Variants in GPATCH2 observed in about 807,000 individuals in gnomAD.
GPATCH2 encodes G patch domain-containing protein 2.
In GPATCH2, 51 loss-of-function variants were observed where a neutral mutation model predicts 58.0. The observed-to-expected ratio is 0.88, with a 90% CI of 0.70 to 1.11. GPATCH2 has a LOEUF of 1.11. GPATCH2 is among the 50% of genes most tolerant of loss of function. GPATCH2 has a pLI of 0.00. For synonymous variants in GPATCH2, 222 were observed against 218.5 expected, an observed-to-expected ratio of 1.02 and a Z score of -0.14; for missense variants, 625 against 652.2, an observed-to-expected ratio of 0.96 and a Z score of 0.45.
chr1:217,560,057 C>G (rs1438042139), intron 5 of GPATCH2, among the ~76,000 whole-genome samples: 1 of 152,150 alleles, frequency 6.6e-6, no homozygotes, highest in Non-Finnish European at 1.5e-5. Flanking sequence ...CCATGTTGGC[C>G]AGGATGGTCT....
intron 5 of GPATCH2, among the ~76,000 whole-genome samples, chr1:217,523,273 A>C (rs1010777984): frequency 6.6e-6 from 1 of 151,564 alleles, no homozygotes; most frequent in Non-Finnish European, 1.5e-5. Flanking sequence ...TCAGCAGATA[A>C]ACAAGTGAAC....
At chr1:217,485,223 C>T (rs991284266) in intron 8 of GPATCH2, among the ~76,000 whole-genome samples, 6 of 152,142 alleles carry the variant, frequency 3.9e-5, no homozygotes, top group Non-Finnish European at 7.4e-5. Context: ...ATAAATTTGC[C>T]ATTCCTCTGC....
At chr1:217,477,401 G>C (rs1051778617) in intron 8 of GPATCH2, among the ~76,000 whole-genome samples, 4 of 152,062 alleles carry the variant, frequency 2.6e-5, no homozygotes, top group Admixed American at 2.6e-4. Flanking sequence ...ACAGGGGCAC[G>C]GAGCACCAAG....
At chr1:217,529,287 T>C (rs1326183138) in intron 5 of GPATCH2, among the ~76,000 whole-genome samples, 2 of 152,170 alleles carry the variant, frequency 1.3e-5, no homozygotes, top group East Asian at 1.9e-4. Context: ...CCAAAACTTA[T>C]GTTGAAATTT....
intron 5 of GPATCH2, among the ~76,000 whole-genome samples, chr1:217,540,559 C>A (rs1378494462): frequency 6.6e-6 from 1 of 152,138 alleles, no homozygotes; most frequent in Non-Finnish European, 1.5e-5. Context: ...CCTTTCGAAA[C>A]AATAAAACCA....
Position 217,438,533 on chromosome 1 carries a change from G to A in GPATCH2, c.1367-7168C>T, listed in dbSNP as rs185274498. ...TAGAGAAGAACATAAATAACCTGATGAAACTGAAAAACACAGCATGAGAAC... is the reference window on the plus strand; with the variant it reads ...TAGAGAAGAACATAAATAACCTGATAAAACTGAAAAACACAGCATGAGAAC... On this transcript the variant is annotated intron_variant, in intron 9 of 9. Coordinates refer to ENST00000366935, the MANE Select transcript of GPATCH2 (RefSeq NM_018040.5). Among the ~76,000 whole-genome samples the A allele has an allele frequency of 3.6e-3, 550 of 152,212 alleles. 3 individuals carry two copies. The highest frequency in any genetic ancestry group is 6.8e-3 in the Middle Eastern group (2 of 292).
intron 8 of GPATCH2, among the ~76,000 whole-genome samples, chr1:217,456,127 C>A (rs1386282938): frequency 6.6e-6 from 1 of 152,224 alleles, no homozygotes; most frequent in Middle Eastern, 3.4e-3. Context: ...TTCCTGGGTG[C>A]TGGACAAGGA....
intron 7 of GPATCH2, among the ~76,000 whole-genome samples, chr1:217,493,430 T>C (rs948073210): frequency 6.6e-6 from 1 of 152,132 alleles, no homozygotes; most frequent in Non-Finnish European, 1.5e-5. Context: ...TGCTCATCTC[T>C]GGCCCTTTGC....
chr1:217,595,602 A>C (rs199503561), intron 5 of GPATCH2, among the ~76,000 whole-genome samples: 23 of 151,840 alleles, frequency 1.5e-4, no homozygotes, highest in African/African-American at 4.8e-4. Context: ...TGGGTTCAAG[A>C]AATTCTCCTG....
chr1:217,448,241 A>G (rs1296019562), intron 9 of GPATCH2, among the ~76,000 whole-genome samples: 3 of 152,098 alleles, frequency 2.0e-5, no homozygotes, highest in Non-Finnish European at 4.4e-5. Flanking sequence ...TGTTGATAGG[A>G]ATCTTATTTT....
chr1:217,596,104 TAGAA>T (rs1176312726), intron 5 of GPATCH2, among the ~76,000 whole-genome samples: 2 of 152,080 alleles, frequency 1.3e-5, no homozygotes, highest in African/African-American at 2.4e-5. Context: ...AAAGAATTGA[TAGAA>T]GGAAGGATGA....
intron 5 of GPATCH2, among the ~76,000 whole-genome samples, chr1:217,540,924 T>G (rs528908853): frequency 1.3e-5 from 2 of 152,266 alleles, no homozygotes; most frequent in Admixed American, 6.5e-5. Flanking sequence ...TGTGCACAAA[T>G]TTATTGTAAT....
intron 5 of GPATCH2, among the ~76,000 whole-genome samples, chr1:217,554,664 G>A (rs529511410): frequency 1.3e-5 from 2 of 152,260 alleles, no homozygotes; most frequent in East Asian, 3.9e-4. Context: ...TAGTCTAACT[G>A]TAAATCTGTT....
intron 8 of GPATCH2, among the ~76,000 whole-genome samples, chr1:217,468,515 CCACA>C (rs10524566): frequency 0.12 from 17,168 of 142,316 alleles, 1,123 homozygotes; most frequent in African/African-American, 0.17. Context: ...GCACACACAA[CCACA>C]CACACACACA....
chr1:217,568,381 A>C (rs781227537), intron 5 of GPATCH2, among the ~76,000 whole-genome samples: 2 of 152,214 alleles, frequency 1.3e-5, no homozygotes, highest in Non-Finnish European at 2.9e-5. Context: ...ACAGAGCTAT[A>C]AACAAAATAG....
intron 5 of GPATCH2, among the ~76,000 whole-genome samples, chr1:217,525,123 G>A (rs1461002593): frequency 6.6e-6 from 1 of 151,282 alleles, no homozygotes; most frequent in African/African-American, 2.4e-5. Flanking sequence ...ATCTAATGAT[G>A]TCAAAAGGTG....
Position 217,608,488 on chromosome 1 carries a change from T to C in GPATCH2, c.1098+1833A>G, listed in dbSNP as rs542897834. The stretch of plus-strand genomic sequence containing the variant: ...CCATGTATCATCAATACCATGAAGC[T>C]AGCCTATCAGTTGTAATAGCTTCTA... On this transcript the variant is annotated intron_variant, in intron 5 of 9. Coordinates refer to ENST00000366935, the MANE Select transcript of GPATCH2 (RefSeq NM_018040.5). 4.1e-6 allele frequency: 4 copies of C among 985,152 alleles called. No homozygotes were observed. In the South Asian group the frequency reaches 1.9e-4, roughly 46 times the overall value. 61.0% of individuals were successfully genotyped at this position (985,152 alleles called of 1,614,324 possible).
chr1:217,540,568 C>A (rs1365490338), intron 5 of GPATCH2, among the ~76,000 whole-genome samples: 1 of 152,062 alleles, frequency 6.6e-6, no homozygotes, highest in Non-Finnish European at 1.5e-5. Flanking sequence ...ACAATAAAAC[C>A]ATTTTTGTCA....
At chr1:217,444,563 T>G (rs1410717121) in intron 9 of GPATCH2, among the ~76,000 whole-genome samples, 1 of 152,242 alleles carries the variant, frequency 6.6e-6, no homozygotes, top group Non-Finnish European at 1.5e-5. Flanking sequence ...GTGTGCTTAC[T>G]CTGTCCATCC....
Sources: allele counts gnomAD v4.1 joint callset (sites outside exome capture counted in the v4.1 genomes callset), GRCh38; gene constraint gnomAD v4.1.1; transcripts MANE v1.5; gene names NCBI Gene and HGNC (gene_info 2026-07-23, HGNC 2026-07-21).